CCDC60: variants seen among roughly 807,000 people sequenced by gnomAD.
CCDC60 encodes coiled-coil domain-containing protein 60.
A neutral mutation model predicts 63.5 loss-of-function variants in CCDC60; 54 were observed. That is an observed-to-expected ratio of 0.85 (90% CI 0.68 to 1.07). The LOEUF is 1.07. Ranked by LOEUF, CCDC60 falls within the 50% of genes least tolerant of loss-of-function variation. The probability of loss-of-function intolerance (pLI) is 0.00; values close to 1 mark genes in which losing one functional copy is unlikely to be tolerated. For synonymous variants in CCDC60, 206 were observed against 238.8 expected (o/e 0.86, Z 1.27); for missense variants, 651 against 684.3 (o/e 0.95, Z 0.54).
rs1593068588 is a variant in CCDC60, at chr12:119,425,365, G to T, written c.91-3318G>T. On this transcript the variant is annotated intron_variant, in intron 1 of 13. Coordinates refer to ENST00000327554, the MANE Select transcript of CCDC60 (RefSeq NM_178499.5). ...TTTCACTATAAAATACACCAGAATG[G>T]GGGTCATCTGATCTTGATACCTCAA... is the stretch of plus-strand genomic sequence containing the variant. 1.3e-5 allele frequency among the ~76,000 whole-genome samples: 2 copies of T among 152,194 alleles called. 1 individual carries two copies. The highest frequency in any genetic ancestry group is 3.9e-4 in the East Asian group (2 of 5,180).
chr12:119,486,818 G>T (rs1951451835), intron 4 of CCDC60, among the ~76,000 whole-genome samples: 1 of 151,908 alleles, frequency 6.6e-6, no homozygotes, highest in Non-Finnish European at 1.5e-5. Context: ...CAGGGATTGG[G>T]TATCACCTTC....
intron 2 of CCDC60, among the ~76,000 whole-genome samples, chr12:119,452,684 ATAG>A (rs1434206672): frequency 6.6e-6 from 1 of 152,220 alleles, no homozygotes; most frequent in East Asian, 1.9e-4. Flanking sequence ...GGAAATGGCG[ATAG>A]TGGTGGTGAT....
intron 7 of CCDC60, among the ~76,000 whole-genome samples, chr12:119,512,554 G>A (rs952887992): frequency 2.0e-5 from 3 of 152,190 alleles, no homozygotes; most frequent in Non-Finnish European, 1.5e-5. Flanking sequence ...CCTACCAGGT[G>A]CAATGGATGG....
chr12:119,519,952 G>A (rs140759062), intron 8 of CCDC60, among the ~76,000 whole-genome samples, 169 bp from the exon 9 acceptor site: 20 of 152,146 alleles, frequency 1.3e-4, no homozygotes, highest in African/African-American at 4.3e-4. Flanking sequence ...CCCAGGAAAT[G>A]TGGCCGAGGA....
At chr12:119,498,432 A>T (rs1358776724) in intron 5 of CCDC60, among the ~76,000 whole-genome samples, 1 of 152,022 alleles carries the variant, frequency 6.6e-6, no homozygotes, top group Non-Finnish European at 1.5e-5. Flanking sequence ...TCCCAGGTTC[A>T]AGCGATTCTG....
At chr12:119,373,582 A>G (rs1381394091) in intron 1 of CCDC60, among the ~76,000 whole-genome samples, 2 of 145,426 alleles carry the variant, frequency 1.4e-5, no homozygotes, top group East Asian at 4.1e-4. Flanking sequence ...TGGACTTGAA[A>G]CTGCACTGGT....
At chr12:119,463,386 C>G (rs1304390699) in intron 2 of CCDC60, among the ~76,000 whole-genome samples, 1 of 152,228 alleles carries the variant, frequency 6.6e-6, no homozygotes, top group South Asian at 2.1e-4. Context: ...TACCAACCAG[C>G]GCAGTGCACA....
chr12:119,439,150 CAAAAAA>C (rs11317847), intron 2 of CCDC60, among the ~76,000 whole-genome samples: 72 of 72,282 alleles, frequency 1.0e-3, no homozygotes, highest in African/African-American at 3.6e-3. Flanking sequence ...CTTTTCTGGG[CAAAAAA>C]AAAAAAAAAA....
chr12:119,469,010 T>G (rs1383376569), intron 2 of CCDC60, among the ~76,000 whole-genome samples: 1 of 152,094 alleles, frequency 6.6e-6, no homozygotes, highest in African/African-American at 2.4e-5. Flanking sequence ...TTTTTAATAT[T>G]CCATTTATAT....
At chr12:119,405,377 T>C (rs1288746005) in intron 1 of CCDC60, among the ~76,000 whole-genome samples, 1 of 152,256 alleles carries the variant, frequency 6.6e-6, no homozygotes, top group African/African-American at 2.4e-5. Flanking sequence ...GTTCCCCGGC[T>C]GTATTTTCTT....
At chr12:119,441,041 C>G (rs1310574120) in intron 2 of CCDC60, among the ~76,000 whole-genome samples, 1 of 152,170 alleles carries the variant, frequency 6.6e-6, no homozygotes, top group African/African-American at 2.4e-5. Flanking sequence ...ATCATGATCT[C>G]ATTAATTTCT....
chr12:119,446,670 C>G (rs1381704986), intron 2 of CCDC60, among the ~76,000 whole-genome samples: 1 of 150,556 alleles, frequency 6.6e-6, no homozygotes, highest in African/African-American at 2.5e-5. Flanking sequence ...AGAGTGTCTA[C>G]GATGGTTCAC....
intron 7 of CCDC60, among the ~76,000 whole-genome samples, chr12:119,507,998 T>G (rs1438647700): frequency 6.6e-6 from 1 of 151,870 alleles, no homozygotes; most frequent in East Asian, 1.9e-4. Context: ...TGAGACCCCA[T>G]CTCTACATGG....
At chr12:119,468,986 C>T (rs1215538788) in intron 2 of CCDC60, among the ~76,000 whole-genome samples, 1 of 151,560 alleles carries the variant, frequency 6.6e-6, no homozygotes, top group South Asian at 2.1e-4. Context: ...TCCTTTTTTA[C>T]CTACTTAAAT....
At chr12:119,429,002 C>A in intron 2 of CCDC60, 2 of 407,692 alleles carry the variant, frequency 4.9e-6, no homozygotes, top group South Asian at 9.4e-5. Context: ...CTCTGCTTTT[C>A]TTCCTGGACC....
chr12:119,462,897 C>T (rs191426403), intron 2 of CCDC60, among the ~76,000 whole-genome samples: 86 of 152,140 alleles, frequency 5.7e-4, no homozygotes, highest in African/African-American at 2.1e-3. Flanking sequence ...GATGTCAGCT[C>T]TCTACAACCT....
At chr12:119,398,552 C>CTAG (rs1956328734) in intron 1 of CCDC60, among the ~76,000 whole-genome samples, 1 of 152,234 alleles carries the variant, frequency 6.6e-6, no homozygotes, top group Non-Finnish European at 1.5e-5. Context: ...CGAGGAGGCG[C>CTAG]CAAGAGTGAG....
intron 7 of CCDC60, among the ~76,000 whole-genome samples, chr12:119,509,516 C>T (rs994648478): frequency 6.6e-6 from 1 of 152,132 alleles, no homozygotes. Flanking sequence ...GGAGCTTGGT[C>T]CCTTTAAGTA....
intron 4 of CCDC60, among the ~76,000 whole-genome samples, chr12:119,482,015 A>ATG (rs1566033945): frequency 2.7e-4 from 40 of 147,046 alleles, no homozygotes; most frequent in African/African-American, 9.2e-4. Context: ...TAGTATATAT[A>ATG]TATGTATATA....
Sources: gnomAD v4.1 joint callset for allele counts (sites outside exome capture counted in the v4.1 genomes callset) on GRCh38, gnomAD v4.1.1 for gene constraint, MANE v1.5 for transcripts, NCBI Gene and HGNC (gene_info 2026-07-23, HGNC 2026-07-21) for gene names.